AK8: variants seen among roughly 807,000 people sequenced by gnomAD.
The protein encoded by AK8 is ATP-AMP transphosphorylase 8.
A neutral mutation model predicts 54.6 loss-of-function variants in AK8; 44 were observed. The observed-to-expected ratio is 0.81, with a 90% CI of 0.63 to 1.04. The LOEUF is 1.04. AK8 is among the 50% of genes least tolerant of loss of function. The pLI is 0.00. For synonymous variants in AK8, 239 were observed against 245.6 expected, an observed-to-expected ratio of 0.97 and a Z score of 0.25; for missense variants, 555 against 613.6, an observed-to-expected ratio of 0.90 and a Z score of 1.01.
intron 11 of AK8, among the ~76,000 whole-genome samples, chr9:132,753,794 C>T (rs1838060122): frequency 6.6e-6 from 1 of 152,208 alleles, no homozygotes; most frequent in Non-Finnish European, 1.5e-5. Context: ...CCTGCAGCCT[C>T]CTGGAGTGGC....
At chr9:132,750,692 C>G (rs770573946) in intron 11 of AK8, among the ~76,000 whole-genome samples, 1 of 151,982 alleles carries the variant, frequency 6.6e-6, no homozygotes, top group Non-Finnish European at 1.5e-5. Flanking sequence ...CACCAGGGCG[C>G]GAGCTCCCCC....
intron 1 of AK8, 22 bp from the exon 2 acceptor site, chr9:132,875,221 C>A (rs1844041415): frequency 1.2e-6 from 2 of 1,613,282 alleles, no homozygotes; most frequent in Non-Finnish European, 1.7e-6. Context: ...GGGCAGACAC[C>A]CAGGTGGTTA....
chr9:132,815,347 A>C (rs953111791), intron 9 of AK8, among the ~76,000 whole-genome samples: 1 of 152,132 alleles, frequency 6.6e-6, no homozygotes, highest in Non-Finnish European at 1.5e-5. Context: ...TAAGATCAGG[A>C]GTTCAAGACC....
intron 5 of AK8, among the ~76,000 whole-genome samples, chr9:132,848,590 T>C (rs1161415722): frequency 6.6e-6 from 1 of 152,138 alleles, no homozygotes; most frequent in Non-Finnish European, 1.5e-5. Flanking sequence ...ATCACTTGAC[T>C]CTCCCGCCCT....
intron 10 of AK8, among the ~76,000 whole-genome samples, chr9:132,808,119 C>T (rs901990583): frequency 6.6e-6 from 1 of 152,100 alleles, no homozygotes; most frequent in African/African-American, 2.4e-5. Flanking sequence ...TCCAAAAGCC[C>T]AGAATCGTTT....
At chr9:132,764,470 C>T (rs961722150) in intron 11 of AK8, among the ~76,000 whole-genome samples, 3 of 151,948 alleles carry the variant, frequency 2.0e-5, no homozygotes, top group African/African-American at 7.3e-5. Flanking sequence ...AAATCAGCAA[C>T]AAAAAAGGAC....
intron 11 of AK8, among the ~76,000 whole-genome samples, chr9:132,786,217 GT>G (rs1316063397): frequency 3.3e-5 from 5 of 152,202 alleles, no homozygotes; most frequent in African/African-American, 1.2e-4. Flanking sequence ...GTTGAAATTT[GT>G]TTCAGAAGAG....
intron 11 of AK8, among the ~76,000 whole-genome samples, chr9:132,737,885 G>GA (rs1564373870): frequency 6.6e-6 from 1 of 152,192 alleles, no homozygotes; most frequent in African/African-American, 2.4e-5. Flanking sequence ...AATAAGACCA[G>GA]AAAAGGATAC....
intron 11 of AK8, 49 bp downstream of exon 11, chr9:132,792,585 G>A: frequency 1.3e-6 from 2 of 1,528,600 alleles, no homozygotes; most frequent in Non-Finnish European, 1.8e-6. Flanking sequence ...CTGGAGAGGG[G>A]GTGCCCAGGG....
At chr9:132,801,205 G>A (rs1355824594) in intron 10 of AK8, among the ~76,000 whole-genome samples, 1 of 152,122 alleles carries the variant, frequency 6.6e-6, no homozygotes, top group East Asian at 1.9e-4. Context: ...TGGGATTATA[G>A]GCATGAGCCA....
intron 11 of AK8, among the ~76,000 whole-genome samples, chr9:132,785,333 A>T (rs1239285071): frequency 2.0e-5 from 3 of 152,060 alleles, no homozygotes; most frequent in Non-Finnish European, 4.4e-5. Flanking sequence ...TGAACTCTGG[A>T]CCTCGTGATC....
intron 12 of AK8, among the ~76,000 whole-genome samples, chr9:132,727,080 A>G (rs1268525019): frequency 6.6e-6 from 1 of 152,184 alleles, no homozygotes; most frequent in South Asian, 2.1e-4. Context: ...ACTTGTGCCC[A>G]TGGGGATGTG....
chr9:132,835,472 A>G (rs541685978), intron 5 of AK8, among the ~76,000 whole-genome samples: 2 of 152,300 alleles, frequency 1.3e-5, no homozygotes, highest in South Asian at 4.1e-4. Flanking sequence ...ACTTTAGACC[A>G]TGTCTGTGGT....
At chr9:132,857,954 C>G (rs913731478) in intron 4 of AK8, among the ~76,000 whole-genome samples, 3 of 152,218 alleles carry the variant, frequency 2.0e-5, no homozygotes, top group Non-Finnish European at 2.9e-5. Flanking sequence ...TAGCAGGAAT[C>G]AGCCTCCCTC....
At chr9:132,875,266 AGCTATGGGGCCT>A in intron 1 of AK8, 67 bp from the exon 2 acceptor site, 1 of 1,589,566 alleles carries the variant, frequency 6.3e-7, no homozygotes, top group Non-Finnish European at 8.6e-7. Context: ...CACAGATACC[AGCTATGGGGCCT>A]GCTCTCTCCA....
At chr9:132,869,056 T>G (rs1193203891) in intron 2 of AK8, among the ~76,000 whole-genome samples, 2 of 152,130 alleles carry the variant, frequency 1.3e-5, no homozygotes, top group African/African-American at 4.8e-5. Context: ...GGCACACAAC[T>G]GTAATCCCAG....
intron 8 of AK8, 96 bp from the exon 9 acceptor site, chr9:132,823,432 C>T: frequency 6.6e-7 from 1 of 1,508,632 alleles, no homozygotes; most frequent in South Asian, 1.2e-5. Context: ...ACGGCAGTAA[C>T]TCTTTTTCTC....
At chr9:132,869,073 G>A (rs547291179) in intron 2 of AK8, among the ~76,000 whole-genome samples, 5 of 152,142 alleles carry the variant, frequency 3.3e-5, no homozygotes, top group Non-Finnish European at 5.9e-5. Context: ...CCAGCTACTC[G>A]GGAGGCTGAC....
chr9:132,728,140 G>T (rs369758029), intron 11 of AK8, among the ~76,000 whole-genome samples: 1 of 152,238 alleles, frequency 6.6e-6, no homozygotes. Context: ...CCCCAGACGA[G>T]GGTGGGCATC....
Sources: allele counts gnomAD v4.1 joint callset (sites outside exome capture counted in the v4.1 genomes callset), GRCh38; gene constraint gnomAD v4.1.1; transcripts MANE v1.5; gene names NCBI Gene and HGNC (gene_info 2026-07-23, HGNC 2026-07-21).